UGT2B4: variants seen among roughly 807,000 people sequenced by gnomAD.
UGT2B4 encodes UDP glucuronosyltransferase family 2 member B4, also known as UDP-glucuronosyltransferase 2B4.
UGT2B4 carries 49 observed loss-of-function variants against 49.8 expected under a neutral mutation model. The ratio of observed to expected loss-of-function variants is 0.98; its 90% CI spans 0.78 to 1.25. The LOEUF (loss-of-function observed/expected upper bound fraction) is 1.25, where lower values mean the gene tolerates loss of function less well. UGT2B4 is among the 50% of genes most tolerant of loss of function. UGT2B4 has a pLI of 0.00. For synonymous variants in UGT2B4, 246 were observed against 217.7 expected (o/e 1.13, Z -1.14); for missense variants, 729 against 627.7 (o/e 1.16, Z -1.73).
intron 2 of UGT2B4, 109 bp from the exon 3 acceptor site, chr4:69,489,679 G>T: frequency 6.9e-7 from 1 of 1,450,652 alleles, no homozygotes; most frequent in Non-Finnish European, 9.2e-7. Flanking sequence ...GGAATTATTG[G>T]AGTAAAGGAT....
exon 1 of UGT2B4, chr4:69,525,814 G>C: frequency 2.8e-6 from 3 of 1,055,996 alleles, no homozygotes; most frequent in Non-Finnish European, 3.7e-6. Flanking sequence ...TAAAGAAAGG[G>C]CTCCAGGCTG....
At chr4:69,499,307 G>A (rs1265368308), upstream of UGT2B4, among the ~76,000 whole-genome samples, 1 of 152,148 alleles carries the variant, frequency 6.6e-6, no homozygotes, top group Non-Finnish European at 1.5e-5. Flanking sequence ...TAGAGTAAGT[G>A]CAATGCGGTA....
At chr4:69,496,464 G>A (rs1417089674), upstream of UGT2B4, among the ~76,000 whole-genome samples, 1 of 152,160 alleles carries the variant, frequency 6.6e-6, no homozygotes, top group Non-Finnish European at 1.5e-5. Flanking sequence ...CTTTGACACA[G>A]AACTAAAGAT....
chr4:69,501,398 C>T (rs900463253), intron 1 of UGT2B4, among the ~76,000 whole-genome samples: 3 of 152,106 alleles, frequency 2.0e-5, no homozygotes, highest in South Asian at 2.1e-4. Flanking sequence ...TCAGTGTTCT[C>T]CCGCCACTAG....
Position 69,505,793 on chromosome 4 carries a change from T to TA in UGT2B4, c.-105-9828dup, listed in dbSNP as rs1728454010. On this transcript the variant is annotated intron_variant, in intron 1 of 1. Coordinates refer to the UGT2B4 transcript ENST00000510114. ...TCATTGCCACAGGACACTTTCTCTT[T>TA]AATTGATTACATAATCAGAAGTGAA... Among the ~76,000 whole-genome samples the TA allele has an allele frequency of 2.0e-5, 3 of 152,300 alleles. No individual in the cohort carries two copies. The South Asian group carries it at 6.2e-4, about 32-fold the overall frequency.
At chr4:69,520,422 G>T (rs571730513) in intron 1 of UGT2B4, among the ~76,000 whole-genome samples, 6 of 152,320 alleles carry the variant, frequency 3.9e-5, no homozygotes, top group Admixed American at 2.6e-4. Flanking sequence ...GAGTTGGCAG[G>T]GTGGTAGCAC....
intron 2 of UGT2B4, among the ~76,000 whole-genome samples, chr4:69,489,895 C>T (rs977513544): frequency 6.6e-6 from 1 of 152,084 alleles, no homozygotes; most frequent in Non-Finnish European, 1.5e-5. Context: ...AATATAGGTT[C>T]TTTAAAGTGG....
intron 1 of UGT2B4, among the ~76,000 whole-genome samples, chr4:69,501,473 C>A (rs527449225): frequency 2.6e-5 from 4 of 152,050 alleles, no homozygotes; most frequent in Non-Finnish European, 5.9e-5. Flanking sequence ...GCTGTTTGGG[C>A]GACTTAGCAA....
chr4:69,481,431 AT>A (rs1213529607), intron 5 of UGT2B4, among the ~76,000 whole-genome samples: 2 of 152,222 alleles, frequency 1.3e-5, no homozygotes. Flanking sequence ...GAATTTCATA[AT>A]TGACAAATAT....
chr4:69,495,429 A>G lies in UGT2B4; in HGVS notation c.433T>C (p.Phe145Leu). The change falls in exon 1 of 6, where the codon TTT becomes CTT. Residue 145 changes from phenylalanine (F) to leucine (L), a missense_variant. Coordinates refer to ENST00000305107, the MANE Select transcript of UGT2B4 (RefSeq NM_021139.3). The stretch of plus-strand genomic sequence containing the variant: ...ACAGCATCTGCAAGAACAACATCAA[A>G]TCTTGACTCCTGTAGTTTCTTCATA... ...KLMKKLQESRFDVVLADAVFP... is the reference protein window; with the variant it reads ...KLMKKLQESRLDVVLADAVFP... The G allele has an allele frequency of 1.9e-6, 3 of 1,613,912 alleles. No homozygotes were observed. Among genetic ancestry groups the G allele is most frequent in the Non-Finnish European group, 2.5e-6 (3 of 1,179,952 alleles).
At position 69,480,696 on chromosome 4, in the gene UGT2B4, T is replaced by C. The variant is rs748775080; in HGVS notation, c.1525A>G (p.Thr509Ala). The stretch of plus-strand genomic sequence containing the variant: ...TTCCAGACACAAAACAGACATTTTG[T>C]GATGATGAATATCACAGTTGCCACA... ...ACVATVIFIITKCLFCVWKFV... is the reference protein window; with the variant it reads ...ACVATVIFIIAKCLFCVWKFV... The change falls in exon 6 of 6, where the codon ACA becomes GCA. Residue 509 changes from threonine to alanine, a missense_variant. Thr to Ala is a moderately conservative substitution (Grantham distance 58, BLOSUM62 0). Transcript: ENST00000305107. 1.4e-5 allele frequency: 23 copies of C among 1,614,066 alleles called. No homozygotes were observed. In the African/African-American group the frequency reaches 1.9e-4, roughly 13 times the overall value.
Position 69,480,547 on chromosome 4 carries a change from G to T in UGT2B4, c.*87C>A. The T allele has an allele frequency of 2.0e-6, 3 of 1,509,760 alleles. No individual in the cohort carries two copies. The highest frequency in any genetic ancestry group is 2.7e-6 in the Non-Finnish European group (3 of 1,127,324). The allele number at this position is 1,509,760 out of a possible 1,614,324, so 93.5% of individuals were successfully genotyped here. ...AAGATGTTTTGTCACAAGAAGAAAG[G>T]AATCTCTTGTATCACAACGTCTTCT... On this transcript the variant is annotated 3_prime_UTR_variant, in exon 6 of 6. Coordinates refer to ENST00000305107, the MANE Select transcript of UGT2B4 (RefSeq NM_021139.3).
At chr4:69,485,166 C>A (rs1727735046) in intron 5 of UGT2B4, 42 bp downstream of exon 5, 4 of 1,602,884 alleles carry the variant, frequency 2.5e-6, no homozygotes, top group South Asian at 2.2e-5. Context: ...ACAAGGGAAC[C>A]TATCTATAAA....
In UGT2B4 at chr4:69,485,411, T is replaced by C; in HGVS notation, c.1107A>G (p.Arg369=). ...TGGCTCCACCATGAGTTATAAAAGCTCTGGTTTTTGGGTGACCTAGGATTG... is the reference window on the plus strand; with the variant it reads ...TGGCTCCACCATGAGTTATAAAAGCCCTGGTTTTTGGGTGACCTAGGATTG... The part of the protein sequence containing the change: ...QNDLLGHPKT[R]AFITHGGANG... The change falls in exon 5 of 6, where the codon AGA becomes AGG. Residue 369 remains arginine (R), a synonymous_variant. Transcript: ENST00000305107. The C allele has an allele frequency of 6.2e-7, 1 of 1,613,812 alleles. No homozygotes were observed. Among genetic ancestry groups the C allele is most frequent in the South Asian group, 1.1e-5 (1 of 91,070 alleles).
chr4:69,500,192 C>A (rs1728264072), upstream of UGT2B4, among the ~76,000 whole-genome samples: 1 of 152,052 alleles, frequency 6.6e-6, no homozygotes, highest in Non-Finnish European at 1.5e-5. Context: ...CAGAACTGAA[C>A]AACGAGAACA....
upstream of UGT2B4, among the ~76,000 whole-genome samples, chr4:69,499,656 C>A (rs1421701039): frequency 6.6e-6 from 1 of 152,076 alleles, no homozygotes; most frequent in Non-Finnish European, 1.5e-5. Flanking sequence ...GGTTTAAAGT[C>A]TCTTTTGTCA....
intron 1 of UGT2B4, among the ~76,000 whole-genome samples, chr4:69,494,869 T>C (rs1055862831): frequency 2.6e-4 from 40 of 152,202 alleles, no homozygotes; most frequent in African/African-American, 9.4e-4. Flanking sequence ...AAAACAGATA[T>C]GTGATTGCTT....
At chr4:69,516,196 G>A (rs1451479274) in intron 1 of UGT2B4, among the ~76,000 whole-genome samples, 2 of 152,190 alleles carry the variant, frequency 1.3e-5, no homozygotes, top group African/African-American at 4.8e-5. Context: ...ATGGCTACAC[G>A]GTATTCCATG....
At chr4:69,524,684 A>G (rs1489971035) in intron 1 of UGT2B4, among the ~76,000 whole-genome samples, 1 of 109,092 alleles carries the variant, frequency 9.2e-6, no homozygotes, top group African/African-American at 3.6e-5. Flanking sequence ...AGATTGCCAC[A>G]AACCCTCAAC....
Sources: gnomAD v4.1 joint callset for allele counts (sites outside exome capture counted in the v4.1 genomes callset) on GRCh38, gnomAD v4.1.1 for gene constraint, MANE v1.5 for transcripts, NCBI Gene and HGNC (gene_info 2026-07-23, HGNC 2026-07-21) for gene names.